CTNNA2: variants seen among roughly 807,000 people sequenced by gnomAD.
CTNNA2 encodes the protein catenin alpha 2.
In CTNNA2, 42 loss-of-function variants were observed where a neutral mutation model predicts 101.0. The observed-to-expected ratio is 0.42, with a 90% CI of 0.32 to 0.54. The LOEUF (loss-of-function observed/expected upper bound fraction) is 0.54. Among genes scored for constraint, CTNNA2 ranks in the 20% least tolerant of loss-of-function variants. CTNNA2 has a pLI of 0.14. For synonymous variants in CTNNA2, 450 were observed against 456.4 expected, an observed-to-expected ratio of 0.99 and a Z score of 0.18; for missense variants, 871 against 1,223.1, an observed-to-expected ratio of 0.71 and a Z score of 4.29.
intron 2 of CTNNA2, among the ~76,000 whole-genome samples, chr2:79,232,605 T>C (rs1674509403): frequency 6.6e-6 from 1 of 152,230 alleles, no homozygotes. Flanking sequence ...ATAGTTTCAC[T>C]GTGATTGGTA....
chr2:80,333,112 A>G (rs1245040540), intron 7 of CTNNA2, among the ~76,000 whole-genome samples: 1 of 152,168 alleles, frequency 6.6e-6, no homozygotes, highest in African/African-American at 2.4e-5. Context: ...AGAGCCTAAA[A>G]TATTTACTAT....
At chr2:80,188,938 T>G in intron 7 of CTNNA2, among the ~76,000 whole-genome samples, 2 of 141,138 alleles carry the variant, frequency 1.4e-5, no homozygotes, top group Non-Finnish European at 3.1e-5. Context: ...CCTGTGCAGG[T>G]GGTCACTTTT....
intron 1 of CTNNA2, among the ~76,000 whole-genome samples, chr2:79,539,710 A>T (rs550560245): frequency 6.6e-6 from 1 of 152,218 alleles, no homozygotes; most frequent in South Asian, 2.1e-4. Flanking sequence ...GGTCACCTCA[A>T]GCCTGTCAGT....
chr2:79,825,303 T>C (rs997855438), intron 3 of CTNNA2, among the ~76,000 whole-genome samples: 8 of 152,212 alleles, frequency 5.3e-5, no homozygotes, highest in African/African-American at 1.9e-4. Context: ...GTGATGATGC[T>C]GTCGATTTTC....
intron 7 of CTNNA2, among the ~76,000 whole-genome samples, chr2:80,065,959 G>T (rs1697957696): frequency 1.3e-5 from 2 of 152,258 alleles, no homozygotes; most frequent in Admixed American, 1.3e-4. Context: ...CATGAGAATA[G>T]GAGAGAATGA....
At chr2:80,142,318 T>C (rs561615674) in intron 7 of CTNNA2, among the ~76,000 whole-genome samples, 1 of 152,286 alleles carries the variant, frequency 6.6e-6, no homozygotes, top group South Asian at 2.1e-4. Context: ...TCTTCTTGCT[T>C]GGTGCCTTGC....
intron 10 of CTNNA2, 46 bp from the exon 11 acceptor site, chr2:80,545,861 T>C (rs752557811): frequency 6.3e-6 from 10 of 1,596,032 alleles, no homozygotes; most frequent in Non-Finnish European, 1.7e-6. Flanking sequence ...TATTCCTCTT[T>C]TGAAGTGTGT....
chr2:79,513,451 C>T (rs1671639076), intron 1 of CTNNA2, among the ~76,000 whole-genome samples: 2 of 152,122 alleles, frequency 1.3e-5, no homozygotes, highest in African/African-American at 2.4e-5. Flanking sequence ...CAGCCACTCG[C>T]CCTAGAGCAC....
intron 4 of CTNNA2, among the ~76,000 whole-genome samples, chr2:79,408,065 A>C (rs1678359637): frequency 6.6e-6 from 1 of 151,938 alleles, no homozygotes. Flanking sequence ...ACTTGGAACT[A>C]TTCAGTTCCA....
chr2:80,569,883 C>T (rs1694422824), intron 12 of CTNNA2, among the ~76,000 whole-genome samples: 2 of 151,770 alleles, frequency 1.3e-5, no homozygotes, highest in African/African-American at 4.8e-5. Context: ...ACCTCGTGAT[C>T]CACCCTCCTC....
intron 1 of CTNNA2, among the ~76,000 whole-genome samples, chr2:79,576,083 T>C (rs1327834542): frequency 6.6e-6 from 1 of 152,180 alleles, no homozygotes; most frequent in Non-Finnish European, 1.5e-5. Flanking sequence ...TACTTATGAA[T>C]GACTTTGGAC....
At chr2:80,344,183 C>T (rs1672508360) in intron 7 of CTNNA2, among the ~76,000 whole-genome samples, 1 of 152,100 alleles carries the variant, frequency 6.6e-6, no homozygotes, top group African/African-American at 2.4e-5. Flanking sequence ...GCTTCCGGAA[C>T]TCACAAGCTC....
chr2:79,961,122 A>G (rs1242590064), intron 7 of CTNNA2, among the ~76,000 whole-genome samples: 1 of 152,228 alleles, frequency 6.6e-6, no homozygotes, highest in African/African-American at 2.4e-5. Flanking sequence ...TTTTGTTTGC[A>G]AATCTCAGGA....
chr2:79,458,891 G>A (rs182056072), intron 4 of CTNNA2, among the ~76,000 whole-genome samples: 94 of 151,992 alleles, frequency 6.2e-4, no homozygotes, highest in Admixed American at 1.0e-3. Context: ...TTATTCCCCT[G>A]CCATTTCTAA....
At chr2:79,577,081 T>G (rs1675845657) in intron 1 of CTNNA2, among the ~76,000 whole-genome samples, 1 of 152,122 alleles carries the variant, frequency 6.6e-6, no homozygotes, top group Non-Finnish European at 1.5e-5. Context: ...GTTAAAATTT[T>G]CATGTGAGAA....
chr2:79,814,638 C>CACACACACACACACATAT (rs145584853), intron 3 of CTNNA2, among the ~76,000 whole-genome samples: 247 of 147,048 alleles, frequency 1.7e-3, no homozygotes, highest in African/African-American at 6.1e-3. Context: ...CACACACACA[C>CACACACACACACACATAT]ATATATATAT....
rs191612779 is a variant in CTNNA2, at chr2:79,732,678, C to T, written c.103-11709C>T. 5.9e-5 allele frequency among the ~76,000 whole-genome samples: 9 copies of T among 152,048 alleles called. No individual in the cohort carries two copies. In the East Asian group the frequency reaches 7.7e-4, roughly 13 times the overall value. On this transcript the variant is annotated intron_variant, in intron 2 of 18. Coordinates refer to ENST00000402739, the MANE Select transcript of CTNNA2 (RefSeq NM_001282597.3). Reference sequence around the variant, plus strand: ...CAACATTCTATTTGTTAACTGTATACGATGATACAGTTAATATTAGCTGCT... The same window carrying T: ...CAACATTCTATTTGTTAACTGTATATGATGATACAGTTAATATTAGCTGCT...
intron 2 of CTNNA2, among the ~76,000 whole-genome samples, chr2:79,290,415 C>T (rs946409488): frequency 3.9e-5 from 6 of 152,118 alleles, no homozygotes; most frequent in African/African-American, 9.7e-5. Context: ...GCTCCACCTC[C>T]GGCCCTGTGC....
At chr2:79,282,011 A>T (rs569849149) in intron 2 of CTNNA2, among the ~76,000 whole-genome samples, 1 of 152,260 alleles carries the variant, frequency 6.6e-6, no homozygotes, top group Admixed American at 6.5e-5. Flanking sequence ...AAAAGTATGA[A>T]TAATAACATG....
Sources: allele counts gnomAD v4.1 joint callset (sites outside exome capture counted in the v4.1 genomes callset), GRCh38; gene constraint gnomAD v4.1.1; transcripts MANE v1.5; gene names NCBI Gene and HGNC (gene_info 2026-07-23, HGNC 2026-07-21).